The following DDR2 variants were observed in gnomAD, a reference collection of about 807,000 sequenced individuals.
The protein encoded by DDR2 is discoidin domain receptor tyrosine kinase 2.
In DDR2, 27 loss-of-function variants were observed where a neutral mutation model predicts 94.9. The observed-to-expected ratio is 0.28, with a 90% CI of 0.21 to 0.39. The LOEUF is 0.39. DDR2 is among the 10% of genes least tolerant of loss of function. The pLI, the probability that DDR2 is intolerant of heterozygous loss-of-function variation, is 1.00. For synonymous variants in DDR2, 382 were observed against 377.2 expected (o/e 1.01, Z -0.15); for missense variants, 783 against 1,076.0 (o/e 0.73, Z 3.81).
Position 162,786,736 on chromosome 1 carries a change from T to G in DDR2, c.*6490T>G, listed in dbSNP as rs1378876750. 4 of 152,276 alleles carry G rather than the reference T, an allele frequency of 2.6e-5. No individual in the cohort carries two copies. Among genetic ancestry groups the G allele is most frequent in the African/African-American group, 9.6e-5 (4 of 41,474 alleles). 9.4% of individuals were successfully genotyped at this position (152,276 alleles called of 1,614,324 possible). On this transcript the variant is annotated 3_prime_UTR_variant, in exon 18 of 18. Coordinates refer to ENST00000367921, the MANE Select transcript of DDR2 (RefSeq NM_006182.4). ...GCTTTCCAGCAAAGGATTATTTAAA[T>G]AGACCTCTAACATATGAGTTGACTG... is the stretch of plus-strand genomic sequence containing the variant.
At chr1:162,743,716 C>A (rs889611491) in intron 3 of DDR2, among the ~76,000 whole-genome samples, 1 of 152,158 alleles carries the variant, frequency 6.6e-6, no homozygotes, top group African/African-American at 2.4e-5. Flanking sequence ...TATTGAAGTA[C>A]AATAGACATA....
At position 162,759,774 on chromosome 1, in the gene DDR2, C is replaced by T. The variant is rs749302976; in HGVS notation, c.672-22C>T. The T allele has an allele frequency of 2.6e-5, 42 of 1,613,358 alleles. No individual in the cohort carries two copies. The South Asian group carries it at 4.2e-4, about 16-fold the overall frequency. ...ACTCAGATTTCTCTCTCCTTTTCCT[C>T]CTCTTCTCCTGGCCTGAGCAGCATG... is the stretch of plus-strand genomic sequence containing the variant. On this transcript the variant is annotated intron_variant, in intron 7 of 17. Coordinates refer to ENST00000367921, the MANE Select transcript of DDR2 (RefSeq NM_006182.4).
chr1:162,747,008 G>C (rs1417904439), intron 3 of DDR2, among the ~76,000 whole-genome samples: 3 of 152,164 alleles, frequency 2.0e-5, no homozygotes, highest in African/African-American at 7.2e-5. Context: ...AGCCCCATCT[G>C]TAGGTCACCA....
chr1:162,709,639 A>G (rs569605107), intron 2 of DDR2, among the ~76,000 whole-genome samples: 1 of 152,324 alleles, frequency 6.6e-6, no homozygotes, highest in African/African-American at 2.4e-5. Flanking sequence ...GTGCCCAGTA[A>G]TGTGGAAAGA....
At chr1:162,657,518 T>A (rs972219697) in intron 2 of DDR2, among the ~76,000 whole-genome samples, 5 of 152,230 alleles carry the variant, frequency 3.3e-5, no homozygotes, top group Non-Finnish European at 4.4e-5. Flanking sequence ...GGTAGCCACC[T>A]GCTTTTCAAA....
intron 3 of DDR2, among the ~76,000 whole-genome samples, chr1:162,737,176 A>G (rs1195502472): frequency 1.7e-5 from 2 of 118,054 alleles, no homozygotes; most frequent in Non-Finnish European, 3.5e-5. Flanking sequence ...TTTTTATTAT[A>G]CTTTAAGTTT....
rs5778292 is a variant in DDR2 at position 162,767,061 on chromosome 1, G to GAAA, written c.1163-166_1163-164dup. ...AAAAAAAGTAATAAAACAGTAGCAAGAAAACAAAACAGTAGCAAGAGCAAG... is the reference window on the plus strand; with the variant it reads ...AAAAAAAGTAATAAAACAGTAGCAAGAAAAAAACAAAACAGTAGCAAGAGCAAG... On this transcript the variant is annotated intron_variant, in intron 10 of 17. Coordinates refer to ENST00000367921, the MANE Select transcript of DDR2 (RefSeq NM_006182.4). Among the ~76,000 whole-genome samples, 1,870 of 145,376 alleles carry GAAA rather than the reference G, an allele frequency of 0.013. 24 individuals carry two copies. Among genetic ancestry groups the GAAA allele is most frequent in the Middle Eastern group, 0.032 (9 of 278 alleles).
At chr1:162,691,638 C>A (rs1164996334) in intron 2 of DDR2, among the ~76,000 whole-genome samples, 1 of 152,132 alleles carries the variant, frequency 6.6e-6, no homozygotes, top group East Asian at 1.9e-4. Flanking sequence ...GAGGCGGTAC[C>A]CTGATTTGTA....
chr1:162,664,883 A>G (rs1414687009), intron 2 of DDR2, among the ~76,000 whole-genome samples: 1 of 152,104 alleles, frequency 6.6e-6, no homozygotes, highest in Non-Finnish European at 1.5e-5. Flanking sequence ...GATTCTGAGA[A>G]TTTTTTTACT....
chr1:162,662,510 T>C (rs1185143327), intron 2 of DDR2, among the ~76,000 whole-genome samples: 1 of 152,178 alleles, frequency 6.6e-6, no homozygotes, highest in Non-Finnish European at 1.5e-5. Context: ...GCAGTCTGTC[T>C]CTCTCTCCAG....
rs2102151020 is a variant in DDR2, at chr1:162,759,969, C to G, written c.845C>G (p.Thr282Ser). The G allele has an allele frequency of 6.2e-7, 1 of 1,614,130 alleles. No homozygotes were observed. Among genetic ancestry groups the G allele is most frequent in the Non-Finnish European group, 8.5e-7 (1 of 1,180,008 alleles). The change falls in exon 8 of 18, where the codon ACT (threonine) becomes AGT (serine). Residue 282 changes from threonine to serine, a missense_variant. By Grantham distance (58) the Thr-to-Ser change is moderately conservative. Around this residue, in one of 2 missense-constraint regions of DDR2, gnomAD observed 519 missense variants for 647.9 expected, o/e 0.80. Transcript: ENST00000367921. ...MFEFDRIRNF[T>S]TMKVHCNNMF... ...GAATTTGACCGCATCAGGAATTTCA[C>G]TACCATGAAGGTCAGTGGGGTCGGG...
At chr1:162,707,881 A>G (rs1660730577) in intron 2 of DDR2, among the ~76,000 whole-genome samples, 1 of 152,218 alleles carries the variant, frequency 6.6e-6, no homozygotes, top group African/African-American at 2.4e-5. Context: ...TAATAGTGAT[A>G]CCATTTTCTA....
chr1:162,776,365 T>G lies in DDR2; in HGVS notation c.2278T>G (p.Leu760Val). 4 of 1,614,048 alleles carry G rather than the reference T, an allele frequency of 2.5e-6. No individual in the cohort carries two copies. The highest frequency in any genetic ancestry group is 3.4e-6 in the Non-Finnish European group (4 of 1,179,932). Residue 760 changes from leucine to valine, a missense_variant, in exon 16 of 18, where the codon TTG (leucine) becomes GTG (valine). Transcript: ENST00000367921. The stretch of plus-strand genomic sequence containing the variant: ...CCGCTGGATGTCTTGGGAGAGTATC[T>G]TGCTGGTAAGTTCTCAGCATTTTAA... ...PIRWMSWESI[L>V]LGKFTTASDV...
intron 3 of DDR2, among the ~76,000 whole-genome samples, chr1:162,752,066 A>T (rs1663236726): frequency 6.6e-6 from 1 of 152,164 alleles, no homozygotes; most frequent in South Asian, 2.1e-4. Context: ...TAATGGGTGC[A>T]GCACACCAAC....
rs17434692 is a variant in DDR2, at chr1:162,767,575, G to A, written c.1293+216G>A. On this transcript the variant is annotated intron_variant, in intron 11 of 17. Coordinates refer to ENST00000367921, the MANE Select transcript of DDR2 (RefSeq NM_006182.4). ...TGTTGGAACCTTCCTAACGTTCCTC[G>A]GAAATGCAGAAAACTCTTCTTAATA... 0.048 allele frequency among the ~76,000 whole-genome samples: 7,281 copies of A among 152,164 alleles called. 216 individuals are homozygous for A. Among genetic ancestry groups the A allele is most frequent in the Admixed American group, 0.066 (1,012 of 15,294 alleles).
intron 2 of DDR2, among the ~76,000 whole-genome samples, chr1:162,687,703 C>G (rs1659753657): frequency 6.6e-6 from 1 of 152,040 alleles, no homozygotes; most frequent in African/African-American, 2.4e-5. Flanking sequence ...GTCTGATGTA[C>G]AGAACCAGGG....
chr1:162,667,593 A>G (rs1326752694), intron 2 of DDR2, among the ~76,000 whole-genome samples: 2 of 152,216 alleles, frequency 1.3e-5, no homozygotes, highest in Admixed American at 1.3e-4. Context: ...TTTAAAGGAT[A>G]TTATTTGGAA....
At chr1:162,671,546 T>G (rs2101938342) in intron 2 of DDR2, among the ~76,000 whole-genome samples, 1 of 152,270 alleles carries the variant, frequency 6.6e-6, no homozygotes, top group Admixed American at 6.5e-5. Context: ...CCTTTTTTAC[T>G]TTGGAGTCAT....
chr1:162,727,754 A>T (rs1449640775), intron 3 of DDR2, among the ~76,000 whole-genome samples: 8 of 147,422 alleles, frequency 5.4e-5, no homozygotes, highest in Non-Finnish European at 1.0e-4. Context: ...AAGAAAAAAA[A>T]AGTTGCATAA....
Sources: gnomAD v4.1 joint callset for allele counts (sites outside exome capture counted in the v4.1 genomes callset) on GRCh38, gnomAD v4.1.1 for gene constraint, gnomAD v4.1.1 regional missense constraint, MANE v1.5 for transcripts, NCBI Gene and HGNC (gene_info 2026-07-23, HGNC 2026-07-21) for gene names.